C1QTNF7: variants seen among roughly 807,000 people sequenced by gnomAD.
The protein encoded by C1QTNF7 is complement C1q tumor necrosis factor-related protein 7.
A neutral mutation model predicts 19.6 loss-of-function variants in C1QTNF7; 15 were observed. The observed-to-expected ratio is 0.76, with a 90% CI of 0.51 to 1.18. The LOEUF is 1.18. Ranked by LOEUF, C1QTNF7 falls within the 50% of genes most tolerant of loss-of-function variation. C1QTNF7 has a pLI of 0.00. For missense variants in C1QTNF7, 324 were observed against 359.7 expected, an observed-to-expected ratio of 0.90 and a Z score of 0.80; for synonymous variants, 142 against 137.5, an observed-to-expected ratio of 1.03 and a Z score of -0.23.
At chr4:15,361,888 A>G (rs1370566419) in intron 1 of C1QTNF7, among the ~76,000 whole-genome samples, 1 of 152,190 alleles carries the variant, frequency 6.6e-6, no homozygotes, top group East Asian at 1.9e-4. Context: ...CCAAGAAAAC[A>G]CATTAACTCT....
At chr4:15,423,015 A>G (rs984184687) in intron 1 of C1QTNF7, among the ~76,000 whole-genome samples, 1 of 152,220 alleles carries the variant, frequency 6.6e-6, no homozygotes, top group African/African-American at 2.4e-5. Context: ...GTTAATTCAC[A>G]TTTATCCACA....
chr4:15,341,977 C>T (rs913250473), intron 1 of C1QTNF7, among the ~76,000 whole-genome samples: 19 of 152,358 alleles, frequency 1.2e-4, no homozygotes, highest in African/African-American at 4.1e-4. Flanking sequence ...CGCCAGGCCC[C>T]ACCCCAGGGC....
At chr4:15,343,438 AC>A (rs906127290) in intron 1 of C1QTNF7, among the ~76,000 whole-genome samples, 2 of 151,726 alleles carry the variant, frequency 1.3e-5, no homozygotes, top group Middle Eastern at 3.5e-3. Context: ...AAGAGAATTG[AC>A]TTTTTTTTTT....
At chr4:15,422,042 TACAAAGGGAC>T (rs960426185) in intron 1 of C1QTNF7, among the ~76,000 whole-genome samples, 17 of 152,094 alleles carry the variant, frequency 1.1e-4, no homozygotes, top group African/African-American at 3.9e-4. Flanking sequence ...GGAGACTGAC[TACAAAGGGAC>T]ATAAGGGAAC....
chr4:15,394,679 T>C (rs1004679351), intron 1 of C1QTNF7, among the ~76,000 whole-genome samples: 1 of 152,112 alleles, frequency 6.6e-6, no homozygotes, highest in African/African-American at 2.4e-5. Flanking sequence ...ATATTTTTTA[T>C]AATTTTCAAA....
At chr4:15,391,117 T>C (rs1278612044) in intron 1 of C1QTNF7, among the ~76,000 whole-genome samples, 4 of 151,998 alleles carry the variant, frequency 2.6e-5, no homozygotes, top group Non-Finnish European at 5.9e-5. Context: ...CCAGGTGCTC[T>C]AAGCATACGG....
chr4:15,357,863 A>T (rs933931975), intron 1 of C1QTNF7, among the ~76,000 whole-genome samples: 2 of 152,088 alleles, frequency 1.3e-5, no homozygotes, highest in African/African-American at 4.8e-5. Flanking sequence ...ATAGGAGTTC[A>T]CTCATGATTT....
intron 1 of C1QTNF7, among the ~76,000 whole-genome samples, chr4:15,350,492 C>G (rs1020833507): frequency 1.3e-5 from 2 of 152,170 alleles, no homozygotes; most frequent in African/African-American, 4.8e-5. Flanking sequence ...TGCCTGACCT[C>G]TGAGATCTGC....
intron 1 of C1QTNF7, among the ~76,000 whole-genome samples, chr4:15,409,638 C>G (rs921050136): frequency 1.3e-5 from 2 of 152,146 alleles, no homozygotes; most frequent in Non-Finnish European, 2.9e-5. Flanking sequence ...AGGAGGGTCT[C>G]GGGCAGTCTA....
chr4:15,437,052 T>C (rs561787105), intron 2 of C1QTNF7, among the ~76,000 whole-genome samples: 9 of 152,316 alleles, frequency 5.9e-5, no homozygotes, highest in African/African-American at 2.2e-4. Context: ...AAGCTTTAAT[T>C]TGGAGCTAAA....
chr4:15,422,209 TTAA>T (rs1157803630), intron 1 of C1QTNF7, among the ~76,000 whole-genome samples: 13 of 51,398 alleles, frequency 2.5e-4, no homozygotes, highest in African/African-American at 5.4e-4. Context: ...CTGTTTTTTT[TTAA>T]AAAAAAAAAA....
intron 1 of C1QTNF7, among the ~76,000 whole-genome samples, chr4:15,403,760 T>C (rs1719082957): frequency 6.6e-6 from 1 of 152,218 alleles, no homozygotes; most frequent in Non-Finnish European, 1.5e-5. Context: ...GATTTCTGAA[T>C]GGTGTAACAA....
chr4:15,396,237 C>G lies in C1QTNF7; in HGVS notation c.14-39499C>G, dbSNP rs533706060. ...CACTTGTACCGCATCCTGGGCCTCACTGCTCCAAATTCCCACCAAGGTGGG... is the reference window on the plus strand; with the variant it reads ...CACTTGTACCGCATCCTGGGCCTCAGTGCTCCAAATTCCCACCAAGGTGGG... On this transcript the variant is annotated intron_variant, in intron 1 of 2. Coordinates refer to the C1QTNF7 transcript ENST00000295297. Among the ~76,000 whole-genome samples the G allele has an allele frequency of 1.7e-3, 259 of 152,304 alleles. 1 individual carries two copies. The highest frequency in any genetic ancestry group is 5.8e-3 in the African/African-American group (241 of 41,566).
intron 2 of C1QTNF7, among the ~76,000 whole-genome samples, chr4:15,441,149 A>T (rs1712742852): frequency 6.6e-6 from 1 of 151,340 alleles, no homozygotes; most frequent in African/African-American, 2.4e-5. Context: ...CTCAAAAAAG[A>T]AAAAAAAAGA....
intron 1 of C1QTNF7, among the ~76,000 whole-genome samples, chr4:15,347,697 T>C (rs1044415587): frequency 6.6e-6 from 1 of 152,106 alleles, no homozygotes; most frequent in African/African-American, 2.4e-5. Flanking sequence ...TAAAGGAGAA[T>C]CAGATATTTT....
chr4:15,400,200 T>C (rs1350884607), intron 1 of C1QTNF7, among the ~76,000 whole-genome samples: 2 of 152,190 alleles, frequency 1.3e-5, no homozygotes, highest in African/African-American at 4.8e-5. Flanking sequence ...TGTACACACA[T>C]ATTTTAATTG....
At chr4:15,400,868 C>T (rs1210430776) in intron 1 of C1QTNF7, among the ~76,000 whole-genome samples, 2 of 152,160 alleles carry the variant, frequency 1.3e-5, no homozygotes, top group Non-Finnish European at 2.9e-5. Context: ...GCCCTCAGGA[C>T]CCAGCCACCA....
intron 1 of C1QTNF7, among the ~76,000 whole-genome samples, chr4:15,377,180 CA>C (rs1717972033): frequency 6.6e-6 from 1 of 152,132 alleles, no homozygotes; most frequent in East Asian, 1.9e-4. Context: ...TTGTTATATC[CA>C]ATATGACCTA....
At chr4:15,344,140 C>T (rs1380094884) in intron 1 of C1QTNF7, among the ~76,000 whole-genome samples, 1 of 152,164 alleles carries the variant, frequency 6.6e-6, no homozygotes. Context: ...GGAAGGCTTC[C>T]CTGCAGACAA....
Sources: gnomAD v4.1 joint callset for allele counts (sites outside exome capture counted in the v4.1 genomes callset) on GRCh38, gnomAD v4.1.1 for gene constraint, MANE v1.5 for transcripts, NCBI Gene and HGNC (gene_info 2026-07-23, HGNC 2026-07-21) for gene names.